LGR4: variants seen among roughly 807,000 people sequenced by gnomAD.
LGR4 encodes leucine-rich repeat-containing G protein-coupled receptor 4.
Under a neutral mutation model 84.8 loss-of-function variants are expected in LGR4, and 44 were observed. The ratio of observed to expected loss-of-function variants is 0.52; its 90% CI spans 0.41 to 0.67. The LOEUF is 0.67. Ranked by LOEUF, LGR4 falls within the 30% of genes least tolerant of loss-of-function variation. The pLI, the probability that LGR4 is intolerant of heterozygous loss-of-function variation, is 0.00. For synonymous variants in LGR4, 429 were observed against 434.3 expected (o/e 0.99, Z 0.15); for missense variants, 1,032 against 1,131.4 (o/e 0.91, Z 1.26).
At chr11:27,370,974 A>C (rs981564538) in intron 17 of LGR4, among the ~76,000 whole-genome samples, 7 of 152,210 alleles carry the variant, frequency 4.6e-5, no homozygotes, top group African/African-American at 1.7e-4. Context: ...CAGCCCCTTA[A>C]GAAGCTCACA....
At chr11:27,386,898 T>C (rs972335470) in intron 4 of LGR4, among the ~76,000 whole-genome samples, 5 of 152,228 alleles carry the variant, frequency 3.3e-5, no homozygotes, top group African/African-American at 1.2e-4. Context: ...TTTTAGAACT[T>C]GCCCTGAGAC....
intron 1 of LGR4, among the ~76,000 whole-genome samples, chr11:27,416,544 T>A (rs35504653): frequency 0.17 from 25,774 of 152,142 alleles, 2,552 homozygotes; most frequent in South Asian, 0.27. Context: ...ACACTGCCTT[T>A]GTTGGCCTTC....
intron 2 of LGR4, among the ~76,000 whole-genome samples, chr11:27,396,678 G>A (rs12803615): frequency 6.6e-6 from 1 of 151,908 alleles, no homozygotes; most frequent in Non-Finnish European, 1.5e-5. Flanking sequence ...AACAGTTTTC[G>A]TAGCTTCTCA....
intron 2 of LGR4, among the ~76,000 whole-genome samples, chr11:27,399,998 C>A (rs1306587891): frequency 6.6e-6 from 1 of 152,146 alleles, no homozygotes; most frequent in Non-Finnish European, 1.5e-5. Flanking sequence ...TAATAAAAAA[C>A]TATCATTTGT....
intron 1 of LGR4, among the ~76,000 whole-genome samples, chr11:27,419,388 T>C (rs574978568): frequency 1.3e-5 from 2 of 151,796 alleles, no homozygotes; most frequent in Admixed American, 1.3e-4. Flanking sequence ...ATGGCTAAAT[T>C]TTTTTTAAAT....
intron 17 of LGR4, among the ~76,000 whole-genome samples, chr11:27,371,043 T>A (rs1220400014): frequency 2.0e-5 from 3 of 152,196 alleles, no homozygotes; most frequent in Non-Finnish European, 4.4e-5. Context: ...ATAAAATTAA[T>A]GTCCAGATTA....
chr11:27,439,505 G>C (rs929521959), intron 1 of LGR4, among the ~76,000 whole-genome samples: 1 of 152,062 alleles, frequency 6.6e-6, no homozygotes, highest in Admixed American at 6.6e-5. Flanking sequence ...CTACATTTTG[G>C]CTATTGTGAA....
chr11:27,442,904 C>T (rs1455394398), intron 1 of LGR4, among the ~76,000 whole-genome samples: 1 of 152,110 alleles, frequency 6.6e-6, no homozygotes, highest in Non-Finnish European at 1.5e-5. Flanking sequence ...AGGAGCTGTT[C>T]ACAGCAAAAG....
At chr11:27,432,234 G>A (rs1182151282) in intron 1 of LGR4, among the ~76,000 whole-genome samples, 1 of 152,148 alleles carries the variant, frequency 6.6e-6, no homozygotes, top group Non-Finnish European at 1.5e-5. Context: ...CCTACTGTAC[G>A]CTAGCAGCCT....
At position 27,462,279 on chromosome 11, in the gene LGR4, T is replaced by C. The variant is rs578204515; in HGVS notation, c.185+9839A>G. ...TGAAGAGAAACCCTGCGTTCCCATG[T>C]TAGGACAGCACCTTTCTACTTGACC... On this transcript the variant is annotated intron_variant, in intron 1 of 17. Coordinates refer to ENST00000379214, the MANE Select transcript of LGR4 (RefSeq NM_018490.5). Among the ~76,000 whole-genome samples the C allele has an allele frequency of 7.9e-5, 12 of 152,294 alleles. No individual in the cohort carries two copies. In the South Asian group the frequency reaches 8.3e-4, roughly 11 times the overall value.
intron 1 of LGR4, among the ~76,000 whole-genome samples, chr11:27,467,609 A>G: frequency 6.6e-6 from 1 of 152,104 alleles, no homozygotes; most frequent in East Asian, 1.9e-4. Context: ...ACAACAATAA[A>G]AAACACTTTT....
At chr11:27,373,787 G>A (rs1056730100) in intron 14 of LGR4, 111 bp from the exon 15 acceptor site, 3 of 1,132,694 alleles carry the variant, frequency 2.6e-6, no homozygotes, top group East Asian at 4.9e-5. Context: ...AGTTCAAGTG[G>A]GGGTGCTAAA....
At chr11:27,374,224 A>G (rs1043036239) in intron 13 of LGR4, among the ~76,000 whole-genome samples, 178 bp from the exon 14 acceptor site, 1 of 152,190 alleles carries the variant, frequency 6.6e-6, no homozygotes, top group Non-Finnish European at 1.5e-5. Flanking sequence ...CCTTCACAAC[A>G]ATCTATTTCT....
intron 1 of LGR4, among the ~76,000 whole-genome samples, chr11:27,446,037 T>C (rs1279749254): frequency 6.6e-6 from 1 of 152,196 alleles, no homozygotes; most frequent in Non-Finnish European, 1.5e-5. Context: ...TAAGAGTATG[T>C]TACATGCAAG....
At chr11:27,427,626 T>C (rs146978754) in intron 1 of LGR4, among the ~76,000 whole-genome samples, 1 of 152,268 alleles carries the variant, frequency 6.6e-6, no homozygotes, top group African/African-American at 2.4e-5. Flanking sequence ...TTCTGGTGGG[T>C]AGGCACAATT....
chr11:27,456,494 T>C (rs1184580511), intron 1 of LGR4, among the ~76,000 whole-genome samples: 1 of 152,204 alleles, frequency 6.6e-6, no homozygotes, highest in Non-Finnish European at 1.5e-5. Context: ...GGGGCAGCTA[T>C]ATGGAAACCA....
At chr11:27,373,742 G>C in intron 14 of LGR4, 66 bp from the exon 15 acceptor site, 1 of 1,370,510 alleles carries the variant, frequency 7.3e-7, no homozygotes, top group Non-Finnish European at 1.0e-6. Context: ...ATCTGTACAC[G>C]TATTAACATC....
At chr11:27,443,835 A>G (rs557330904) in intron 1 of LGR4, among the ~76,000 whole-genome samples, 73 of 152,336 alleles carry the variant, frequency 4.8e-4, no homozygotes, top group African/African-American at 1.7e-3. Context: ...CAGCTGCTCT[A>G]TGGAAAAAGA....
intron 4 of LGR4, among the ~76,000 whole-genome samples, chr11:27,386,822 T>C (rs1044607707): frequency 1.3e-5 from 2 of 152,226 alleles, no homozygotes; most frequent in Non-Finnish European, 2.9e-5. Flanking sequence ...GAGCTTAGGA[T>C]ATTGAGCGGC....
Sources: gnomAD v4.1 joint callset for allele counts (sites outside exome capture counted in the v4.1 genomes callset) on GRCh38, gnomAD v4.1.1 for gene constraint, MANE v1.5 for transcripts, NCBI Gene and HGNC (gene_info 2026-07-23, HGNC 2026-07-21) for gene names.